CSRP3: variants seen among roughly 807,000 people sequenced by gnomAD.
The protein encoded by CSRP3 is cysteine and glycine-rich protein 3.
In CSRP3, 24 loss-of-function variants were observed where a neutral mutation model predicts 24.3. That is an observed-to-expected ratio of 0.99 (90% CI 0.71 to 1.39). The LOEUF is 1.39. Ranked by LOEUF, CSRP3 falls within the 40% of genes most tolerant of loss-of-function variation. CSRP3 has a pLI of 0.00. For synonymous variants in CSRP3, 105 were observed against 94.0 expected (o/e 1.12, Z -0.68); for missense variants, 240 against 249.0 (o/e 0.96, Z 0.24).
At position 19,191,061 on chromosome 11, in the gene CSRP3, T is replaced by A. The variant is rs150331579; in HGVS notation, c.112+1276A>T. On this transcript the variant is annotated intron_variant, in intron 2 of 5. Coordinates refer to ENST00000265968, the MANE Select transcript of CSRP3 (RefSeq NM_003476.5). Reference sequence around the variant, plus strand: ...GAATACAGGCCTAGAAGGCTGGATTTCCATATCAAGACCCCCCAGTTTTCT... The same window carrying A: ...GAATACAGGCCTAGAAGGCTGGATTACCATATCAAGACCCCCCAGTTTTCT... Among the ~76,000 whole-genome samples, 1,092 of 152,262 alleles carry A rather than the reference T, an allele frequency of 7.2e-3. 14 individuals carry two copies. Among genetic ancestry groups the A allele is most frequent in the African/African-American group, 0.024 (988 of 41,544 alleles).
chr11:19,187,337 T>A (rs1270087259), intron 3 of CSRP3, among the ~76,000 whole-genome samples: 1 of 152,244 alleles, frequency 6.6e-6, no homozygotes, highest in Non-Finnish European at 1.5e-5. Context: ...ATTCCTCAGA[T>A]GGCTGAAGTG....
Position 19,182,143 on chromosome 11 carries a change from T to C in CSRP3, c.*527A>G, listed in dbSNP as rs1850444627. 1 of 158,464 alleles carries C rather than the reference T, an allele frequency of 6.3e-6. No individual in the cohort carries two copies. Among genetic ancestry groups the C allele is most frequent in the African/African-American group, 2.4e-5 (1 of 41,460 alleles). 9.8% of individuals were successfully genotyped at this position (158,464 alleles called of 1,614,324 possible). ...ACAAAGGGATCAACTCTTCAGCAAT[T>C]TTATTAGTTTTGATTTTCCTTTTAG... On this transcript the variant is annotated 3_prime_UTR_variant, in exon 6 of 6. Transcript: ENST00000265968.
chr11:19,189,020 A>G (rs1442394329), intron 2 of CSRP3, among the ~76,000 whole-genome samples: 2 of 152,262 alleles, frequency 1.3e-5, no homozygotes, highest in African/African-American at 4.8e-5. Context: ...TTTTAAAGAT[A>G]TAAATAAAAA....
In CSRP3 at chr11:19,182,662, G is replaced by A. The variant is rs368444918; in HGVS notation, c.*8C>T. 80 of 1,613,282 alleles carry A rather than the reference G, an allele frequency of 5.0e-5. No individual in the cohort carries two copies. The highest frequency in any genetic ancestry group is 3.1e-4 in the East Asian group (14 of 44,882). On this transcript the variant is annotated 3_prime_UTR_variant, in exon 6 of 6. Transcript: ENST00000265968. ...GCTCGCAAAAAATCTGAGAAACGGC[G>A]CACCTCTTCATTCTTTCTTTTCCAC...
intron 2 of CSRP3, among the ~76,000 whole-genome samples, chr11:19,190,386 C>A (rs1225124780): frequency 6.6e-6 from 1 of 152,206 alleles, no homozygotes; most frequent in Non-Finnish European, 1.5e-5. Flanking sequence ...TTCAAACACT[C>A]AGTACAAACG....
intron 1 of CSRP3, among the ~76,000 whole-genome samples, chr11:19,196,277 A>G (rs535078704): frequency 3.3e-5 from 5 of 152,262 alleles, no homozygotes; most frequent in African/African-American, 1.2e-4. Context: ...ATAAGTAAAT[A>G]AATAAATAAA....
At chr11:19,197,528 T>G in intron 1 of CSRP3, among the ~76,000 whole-genome samples, 1 of 130,608 alleles carries the variant, frequency 7.7e-6, no homozygotes, top group African/African-American at 3.0e-5. Flanking sequence ...TCTTTCTTTC[T>G]TTCTTTCTTT....
rs963764752 is a variant in CSRP3 at position 19,182,133 on chromosome 11, C to A, written c.*537G>T. 1 of 159,190 alleles carries A rather than the reference C, an allele frequency of 6.3e-6. No homozygotes were observed. Among genetic ancestry groups the A allele is most frequent in the East Asian group, 1.8e-4 (1 of 5,628 alleles). The allele number at this position is 159,190 out of a possible 1,614,324, so 9.9% of individuals were successfully genotyped here. On this transcript the variant is annotated 3_prime_UTR_variant, in exon 6 of 6. Coordinates refer to ENST00000265968, the MANE Select transcript of CSRP3 (RefSeq NM_003476.5). ...CCACGATAGGACAAAGGGATCAACT[C>A]TTCAGCAATTTTATTAGTTTTGATT... is the stretch of plus-strand genomic sequence containing the variant.
chr11:19,184,863 G>T, intron 5 of CSRP3, 89 bp downstream of exon 5: 2 of 998,778 alleles, frequency 2.0e-6, no homozygotes, highest in South Asian at 1.3e-5. Flanking sequence ...TGGAAGACAC[G>T]GGAAGACCTC....
intron 2 of CSRP3, among the ~76,000 whole-genome samples, chr11:19,192,046 G>A (rs1447476112): frequency 6.6e-6 from 1 of 152,162 alleles, no homozygotes; most frequent in African/African-American, 2.4e-5. Context: ...TGGGGTCAAA[G>A]TTTTCCCTAC....
In CSRP3 at chr11:19,191,427, C is replaced by G. The variant is rs759186528; in HGVS notation, c.112+910G>C. 2.3e-4 allele frequency among the ~76,000 whole-genome samples: 35 copies of G among 152,098 alleles called. 1 individual carries two copies. Among genetic ancestry groups the G allele is most frequent in the South Asian group, 2.1e-4 (1 of 4,826 alleles). On this transcript the variant is annotated intron_variant, in intron 2 of 5. Coordinates refer to ENST00000265968, the MANE Select transcript of CSRP3 (RefSeq NM_003476.5). ...GTCGGGGAGGGGGCTCGCCAAATAT[C>G]CAGCAGAGCTAGCCCTTAAGCCAGA...
rs146290726 is a variant in CSRP3, at chr11:19,186,330, G to A, written c.300C>T (p.Arg100=). The part of the protein sequence containing the change: ...LQFQQSPKPA[R]SVTTSNPSKF... ...TGGAAGGGTTGCTGGTGGTAACTGA[G>A]CGTGCCGGCTTTGGGGACCTGTTGG... The change falls in exon 4 of 6, where the codon CGC becomes CGT. Residue 100 remains arginine (R), a synonymous_variant. Coordinates refer to ENST00000265968, the MANE Select transcript of CSRP3 (RefSeq NM_003476.5). 6.8e-6 allele frequency: 11 copies of A among 1,614,092 alleles called. No homozygotes were observed. The African/African-American group carries it at 1.2e-4, about 18-fold the overall frequency.
chr11:19,195,228 C>A (rs1850680316), intron 1 of CSRP3, among the ~76,000 whole-genome samples: 1 of 151,906 alleles, frequency 6.6e-6, no homozygotes, highest in African/African-American at 2.4e-5. Flanking sequence ...GCCTAAATAG[C>A]CTCTAAAATA....
chr11:19,185,262 T>C (rs1590102951), intron 4 of CSRP3, among the ~76,000 whole-genome samples: 1 of 152,360 alleles, frequency 6.6e-6, no homozygotes, highest in East Asian at 1.9e-4. Flanking sequence ...TCATGGTGAT[T>C]TGCATATGTT....
Position 19,182,511 on chromosome 11 carries a change from G to C in CSRP3, c.*159C>G, listed in dbSNP as rs886048095. The C allele has an allele frequency of 8.5e-6, 6 of 709,820 alleles. No individual in the cohort carries two copies. Among genetic ancestry groups the C allele is most frequent in the Admixed American group, 2.2e-5 (1 of 46,050 alleles). The allele number at this position is 709,820 out of a possible 1,614,324, so 44.0% of individuals were successfully genotyped here. On this transcript the variant is annotated 3_prime_UTR_variant, in exon 6 of 6. Coordinates refer to ENST00000265968, the MANE Select transcript of CSRP3 (RefSeq NM_003476.5). ...AACTTTACATAATTTTCTTCCAAAG[G>C]CCTCTTCTAACATTCAGTAAAGACC...
At chr11:19,200,103 A>G (rs1386772293) in intron 1 of CSRP3, among the ~76,000 whole-genome samples, 3 of 152,142 alleles carry the variant, frequency 2.0e-5, no homozygotes, top group African/African-American at 4.8e-5. Flanking sequence ...AACCCCCCCA[A>G]AACCCACTGG....
chr11:19,184,848 C>A (rs915647145), intron 5 of CSRP3, 104 bp downstream of exon 5: 16 of 884,116 alleles, frequency 1.8e-5, no homozygotes, highest in Non-Finnish European at 2.8e-5. Flanking sequence ...AGCAGCCATA[C>A]CTCCTGGAAG....
chr11:19,188,613 AGTGTGTGTGTGTGTGT>A (rs138192808), intron 2 of CSRP3, among the ~76,000 whole-genome samples: 1 of 140,874 alleles, frequency 7.1e-6, no homozygotes, highest in Admixed American at 7.1e-5. Context: ...ACATCAGGGA[AGTGTGTGTGTGTGTGT>A]GTGTGTGTGT....
In CSRP3 at chr11:19,182,552, A is replaced by C; in HGVS notation, c.*118T>G. The stretch of plus-strand genomic sequence containing the variant: ...AGTAAAGACCTGATCACTTCTGAGG[A>C]GAAACACATAATGTACGACTACAAA... On this transcript the variant is annotated 3_prime_UTR_variant, in exon 6 of 6. Transcript: ENST00000265968. 1.1e-6 allele frequency: 1 copy of C among 896,780 alleles called. No individual in the cohort carries two copies. Among genetic ancestry groups the C allele is most frequent in the South Asian group, 1.3e-5 (1 of 76,498 alleles). 55.6% of individuals were successfully genotyped at this position (896,780 alleles called of 1,614,324 possible). A position where few individuals can be genotyped will look rare whatever the true frequency, so the allele number is the denominator to read the frequency against.
Sources: allele counts gnomAD v4.1 joint callset (sites outside exome capture counted in the v4.1 genomes callset), GRCh38; gene constraint gnomAD v4.1.1; transcripts MANE v1.5; gene names NCBI Gene and HGNC (gene_info 2026-07-23, HGNC 2026-07-21).